The following LRP5 variants were observed in gnomAD, a reference collection of about 807,000 sequenced individuals.
The protein encoded by LRP5 is LDL receptor related protein 5.
A neutral mutation model predicts 154.1 loss-of-function variants in LRP5; 62 were observed. The ratio of observed to expected loss-of-function variants is 0.40; its 90% CI spans 0.33 to 0.50. The LOEUF (loss-of-function observed/expected upper bound fraction) is 0.50, where lower values mean the gene tolerates loss of function less well. LRP5 is among the 20% of genes least tolerant of loss of function. LRP5 has a pLI of 0.55. For synonymous variants in LRP5, 966 were observed against 1,011.5 expected, an observed-to-expected ratio of 0.96 and a Z score of 0.85; for missense variants, 1,915 against 2,336.7, an observed-to-expected ratio of 0.82 and a Z score of 3.72.
intron 9 of LRP5, 66 bp from the exon 10 acceptor site, chr11:68,409,848 C>T (rs1389859881): frequency 2.3e-5 from 29 of 1,240,034 alleles, no homozygotes; most frequent in Non-Finnish European, 3.3e-5. Context: ...GAAACTCCGT[C>T]TCAAAAAAAA....
At chr11:68,427,975 T>TTTTATTTA (rs1216983586) in intron 16 of LRP5, among the ~76,000 whole-genome samples, 2 of 43,440 alleles carry the variant, frequency 4.6e-5, no homozygotes, top group Middle Eastern at 7.4e-3. Context: ...ATTTTATTTT[T>TTTTATTTA]TTTATTTATT....
intron 1 of LRP5, among the ~76,000 whole-genome samples, chr11:68,327,292 C>T (rs2098600271): frequency 6.6e-6 from 1 of 152,198 alleles, no homozygotes; most frequent in Non-Finnish European, 1.5e-5. Flanking sequence ...AGGGCTTGTC[C>T]TGGAGCACAG....
chr11:68,384,316 G>A (rs988674535), intron 5 of LRP5, among the ~76,000 whole-genome samples: 2 of 152,182 alleles, frequency 1.3e-5, no homozygotes, highest in African/African-American at 4.8e-5. Flanking sequence ...AGGAGATCTG[G>A]CAGTTGGCTG....
At chr11:68,422,321 T>C (rs2098666240) in intron 13 of LRP5, among the ~76,000 whole-genome samples, 1 of 152,038 alleles carries the variant, frequency 6.6e-6, no homozygotes, top group South Asian at 2.1e-4. Context: ...CATCCTAAGA[T>C]GATTCCCTCT....
chr11:68,303,374 C>T, the LRP5 span, among the ~76,000 whole-genome samples: 2 of 152,178 alleles, frequency 1.3e-5, no homozygotes, highest in African/African-American at 4.8e-5. Flanking sequence ...GCAAAGGTCA[C>T]TTTCGTTATG....
intron 16 of LRP5, among the ~76,000 whole-genome samples, chr11:68,427,966 T>TTTA (rs1246178841): frequency 3.0e-4 from 24 of 79,072 alleles, no homozygotes; most frequent in South Asian, 1.5e-3. Context: ...TTTTATTTTA[T>TTTA]TTTATTTTTT....
chr11:68,448,224 T>G (rs543691023), intron 22 of LRP5, among the ~76,000 whole-genome samples: 4 of 152,194 alleles, frequency 2.6e-5, no homozygotes, highest in Admixed American at 6.5e-5. Context: ...ACCACCCCCA[T>G]GATTCAATCA....
chr11:68,313,662 C>T (rs2098590616), intron 1 of LRP5, among the ~76,000 whole-genome samples: 1 of 152,254 alleles, frequency 6.6e-6, no homozygotes, highest in Non-Finnish European at 1.5e-5. Flanking sequence ...TTCAAGCAAG[C>T]CTCTTGCTAC....
the LRP5 span, among the ~76,000 whole-genome samples, chr11:68,300,076 T>TTTCA: frequency 6.8e-6 from 1 of 147,916 alleles, no homozygotes; most frequent in Non-Finnish European, 1.5e-5. Context: ...AGATACAGGG[T>TTTCA]TTCACCATGC....
At chr11:68,391,756 G>A (rs538940544) in intron 7 of LRP5, among the ~76,000 whole-genome samples, 5 of 152,236 alleles carry the variant, frequency 3.3e-5, no homozygotes, top group Non-Finnish European at 7.3e-5. Flanking sequence ...TTGCCTTCAC[G>A]CATCCCCGCT....
chr11:68,386,992 C>G lies in LRP5; in HGVS notation c.1412+280C>G, dbSNP rs1242543592. Among the ~76,000 whole-genome samples, 1 of 152,200 alleles carries G rather than the reference C, an allele frequency of 6.6e-6. No homozygotes were observed. The highest frequency in any genetic ancestry group is 2.4e-5 in the African/African-American group (1 of 41,450). ...GGAGACCTGGAGGGAGCCCTTTGTT[C>G]CCCTGGCTTCAGTTTCCTCATCTGT... On this transcript the variant is annotated intron_variant, in intron 6 of 22. Coordinates refer to ENST00000294304, the MANE Select transcript of LRP5 (RefSeq NM_002335.4). The surrounding 1 kb of genome is among the most constrained non-coding windows in gnomAD (Gnocchi z 7.9).
intron 7 of LRP5, 82 bp downstream of exon 7, chr11:68,390,134 C>T (rs1286121062): frequency 6.6e-6 from 10 of 1,505,086 alleles, no homozygotes; most frequent in Non-Finnish European, 9.1e-6. Flanking sequence ...TGGCGAGGCA[C>T]CGATGGGTGC....
intron 1 of LRP5, among the ~76,000 whole-genome samples, chr11:68,321,861 A>G (rs2098596938): frequency 6.6e-6 from 1 of 152,172 alleles, no homozygotes; most frequent in African/African-American, 2.4e-5. Context: ...GAAATTGCTC[A>G]ACGGGGCATT....
chr11:68,386,653 G>A lies in LRP5; in HGVS notation c.1353G>A (p.Lys451=). 1 of 1,613,648 alleles carries A rather than the reference G, an allele frequency of 6.2e-7. No homozygotes were observed. Among genetic ancestry groups the A allele is most frequent in the Non-Finnish European group, 8.5e-7 (1 of 1,179,942 alleles). Residue 451 remains lysine (K), a synonymous_variant, in exon 6 of 23, where the codon AAG becomes AAA. Coordinates refer to ENST00000294304, the MANE Select transcript of LRP5 (RefSeq NM_002335.4). This position sits in a 1 kb window ranked among gnomAD's most constrained non-coding sequence, Gnocchi z 7.9. ...EVTRLNGTSR[K]ILVSEDLDEP... is the part of the protein sequence containing the mutation. ...CGCGCCTCAACGGCACCTCCCGCAA[G>A]ATCCTGGTGTCGGAGGACCTGGACG...
chr11:68,389,766 CA>C, intron 6 of LRP5, 114 bp from the exon 7 acceptor site: 1 of 1,012,742 alleles, frequency 9.9e-7, no homozygotes, highest in Non-Finnish European at 1.6e-6. Flanking sequence ...TTACTGACAT[CA>C]ACATTTAGCC....
At chr11:68,305,557 C>T in the LRP5 span, among the ~76,000 whole-genome samples, 1 of 152,160 alleles carries the variant, frequency 6.6e-6, no homozygotes, top group Non-Finnish European at 1.5e-5. Context: ...ATTCTCCTGC[C>T]TCAGCCTCCT....
At chr11:68,305,362 G>A in the LRP5 span, among the ~76,000 whole-genome samples, 6 of 151,830 alleles carry the variant, frequency 4.0e-5, no homozygotes, top group East Asian at 5.8e-4. Flanking sequence ...AGCAGATGCC[G>A]GCACCATGCT....
chr11:68,389,925 G>T lies in LRP5; in HGVS notation c.1457G>T (p.Cys486Phe), dbSNP rs775971156. ...TDWGENPKIE[C>F]ANLDGQERRV... ...TGGGGAGAGAACCCTAAAATCGAGT[G>T]TGCCAACTTGGATGGGCAGGAGCGG... is the stretch of plus-strand genomic sequence containing the variant. The change falls in exon 7 of 23, where the codon TGT (cysteine) becomes TTT (phenylalanine). Residue 486 changes from cysteine to phenylalanine, a missense_variant. Transcript: ENST00000294304. The T allele has an allele frequency of 2.5e-6, 4 of 1,614,252 alleles. No individual in the cohort carries two copies. The highest frequency in any genetic ancestry group is 3.4e-6 in the Non-Finnish European group (4 of 1,180,040).
intron 1 of LRP5, among the ~76,000 whole-genome samples, chr11:68,321,119 G>T (rs1238502611): frequency 1.4e-5 from 2 of 147,732 alleles, no homozygotes; most frequent in African/African-American, 5.1e-5. Flanking sequence ...AGTGAATAGG[G>T]AGTTGTCCAA....
Sources: gnomAD v4.1 joint callset for allele counts (sites outside exome capture counted in the v4.1 genomes callset) on GRCh38, gnomAD v4.1.1 for gene constraint, Gnocchi (gnomAD v3.1) non-coding constraint, MANE v1.5 for transcripts, NCBI Gene and HGNC (gene_info 2026-07-23, HGNC 2026-07-21) for gene names.